The following LRP1B variants were observed in gnomAD, a reference collection of about 807,000 sequenced individuals.
LRP1B encodes the protein LDL receptor related protein 1B.
LRP1B carries 217 observed loss-of-function variants against 556.6 expected under a neutral mutation model. The ratio of observed to expected loss-of-function variants is 0.39; its 90% CI spans 0.35 to 0.44. The LOEUF (loss-of-function observed/expected upper bound fraction) is 0.44, where lower values mean the gene tolerates loss of function less well. LRP1B is among the 20% of genes least tolerant of loss of function. The pLI, the probability that LRP1B is intolerant of heterozygous loss-of-function variation, is 1.00. For synonymous variants in LRP1B, 2,047 were observed against 1,865.8 expected (o/e 1.10, Z -2.50); for missense variants, 5,053 against 5,620.8 (o/e 0.90, Z 3.23).
intron 1 of LRP1B, among the ~76,000 whole-genome samples, chr2:142,080,104 A>G (rs1705657178): frequency 6.6e-6 from 1 of 152,212 alleles, no homozygotes; most frequent in East Asian, 1.9e-4. Context: ...TGGTTAAAAA[A>G]AAAAACCCCA....
chr2:141,116,568 TC>T (rs1700904749), intron 7 of LRP1B, among the ~76,000 whole-genome samples: 1 of 152,122 alleles, frequency 6.6e-6, no homozygotes, highest in Admixed American at 6.6e-5. Flanking sequence ...AGGCTCGCCA[TC>T]CCCATGATAG....
At chr2:140,295,038 G>T (rs527655678) in intron 84 of LRP1B, among the ~76,000 whole-genome samples, 2 of 151,874 alleles carry the variant, frequency 1.3e-5, no homozygotes, top group South Asian at 4.2e-4. Context: ...CACTGCGCCC[G>T]GCTAGTTTTT....
intron 1 of LRP1B, among the ~76,000 whole-genome samples, chr2:141,918,652 TC>T: frequency 6.6e-6 from 1 of 152,296 alleles, no homozygotes; most frequent in South Asian, 2.1e-4. Context: ...TGAATTAGTT[TC>T]TTTTCGTGAA....
intron 41 of LRP1B, among the ~76,000 whole-genome samples, chr2:140,654,480 A>G (rs961416005): frequency 6.6e-6 from 1 of 152,226 alleles, no homozygotes; most frequent in African/African-American, 2.4e-5. Context: ...TCAAAATTTG[A>G]AGATTGATCA....
chr2:140,964,881 G>A (rs1490794966), intron 18 of LRP1B, among the ~76,000 whole-genome samples: 1 of 152,166 alleles, frequency 6.6e-6, no homozygotes, highest in Non-Finnish European at 1.5e-5. Flanking sequence ...TTGAACCCAG[G>A]AGGCGGAAGT....
At chr2:141,190,197 A>G (rs1212479660) in intron 6 of LRP1B, among the ~76,000 whole-genome samples, 1 of 151,926 alleles carries the variant, frequency 6.6e-6, no homozygotes, top group Admixed American at 6.6e-5. Context: ...GTAGCTCAGG[A>G]TACTATACTA....
intron 43 of LRP1B, among the ~76,000 whole-genome samples, chr2:140,560,988 C>T (rs755683581): frequency 3.3e-5 from 5 of 152,046 alleles, no homozygotes; most frequent in Non-Finnish European, 7.4e-5. Context: ...GAAAACAATA[C>T]CCCGAAGTGA....
chr2:141,769,948 G>A lies in LRP1B; in HGVS notation c.205+40331C>T, dbSNP rs537388439. Among the ~76,000 whole-genome samples the A allele has an allele frequency of 1.2e-4, 18 of 152,240 alleles. 1 individual carries two copies. The South Asian group carries it at 3.5e-3, about 30-fold the overall frequency. On this transcript the variant is annotated intron_variant, in intron 2 of 90. Coordinates refer to ENST00000389484, the MANE Select transcript of LRP1B (RefSeq NM_018557.3). ...GTCTCAAGTTACCCAGAGACTTATTGGCAAAATGCCTTAGAGTACCTGTAT... is the reference window on the plus strand; with the variant it reads ...GTCTCAAGTTACCCAGAGACTTATTAGCAAAATGCCTTAGAGTACCTGTAT...
At chr2:140,842,493 T>A (rs1692140528) in intron 29 of LRP1B, among the ~76,000 whole-genome samples, 1 of 152,202 alleles carries the variant, frequency 6.6e-6, no homozygotes, top group South Asian at 2.1e-4. Context: ...ACTCTGCAAA[T>A]TACTTTTCGT....
At chr2:141,084,504 C>T (rs1699999529) in intron 7 of LRP1B, among the ~76,000 whole-genome samples, 5 of 152,132 alleles carry the variant, frequency 3.3e-5, no homozygotes, top group Admixed American at 3.3e-4. Flanking sequence ...TTTGTTGTTG[C>T]ATGTTATAGT....
intron 84 of LRP1B, among the ~76,000 whole-genome samples, chr2:140,283,401 A>C (rs369994854): frequency 9.2e-5 from 14 of 151,874 alleles, no homozygotes; most frequent in African/African-American, 3.1e-4. Flanking sequence ...CTGAGGAAAA[A>C]ATGCCTGCAA....
chr2:140,360,976 T>C (rs2105142734), intron 72 of LRP1B, among the ~76,000 whole-genome samples: 1 of 151,558 alleles, frequency 6.6e-6, no homozygotes, highest in South Asian at 2.1e-4. Context: ...CCAATCACTA[T>C]CATTGCAACA....
intron 2 of LRP1B, among the ~76,000 whole-genome samples, chr2:141,752,938 T>C (rs1414695759): frequency 1.3e-3 from 2 of 1,514 alleles, no homozygotes; most frequent in Non-Finnish European, 0.012. Flanking sequence ...ACTGAGACCC[T>C]GTCTCAGAAA....
intron 7 of LRP1B, among the ~76,000 whole-genome samples, chr2:141,091,855 G>A (rs1350583833): frequency 6.6e-6 from 1 of 152,158 alleles, no homozygotes; most frequent in Non-Finnish European, 1.5e-5. Flanking sequence ...GCTCTGTGGT[G>A]GTAGGAGGTA....
chr2:141,882,829 T>G (rs1177531628), intron 1 of LRP1B, among the ~76,000 whole-genome samples: 1 of 152,144 alleles, frequency 6.6e-6, no homozygotes, highest in African/African-American at 2.4e-5. Context: ...CACCTCAGCC[T>G]CTCAAAGTGC....
intron 43 of LRP1B, among the ~76,000 whole-genome samples, chr2:140,555,447 T>A (rs1193060211): frequency 6.6e-6 from 1 of 152,066 alleles, no homozygotes; most frequent in Non-Finnish European, 1.5e-5. Context: ...TAGCAATACC[T>A]CTTATTAGTA....
intron 41 of LRP1B, among the ~76,000 whole-genome samples, chr2:140,695,551 G>T (rs1686401233): frequency 6.6e-6 from 1 of 152,108 alleles, no homozygotes; most frequent in South Asian, 2.1e-4. Context: ...CATTTTCTCT[G>T]CTTTGTATTT....
intron 1 of LRP1B, among the ~76,000 whole-genome samples, chr2:142,051,199 G>A (rs942715082): frequency 4.6e-5 from 7 of 152,074 alleles, no homozygotes; most frequent in Admixed American, 4.6e-4. Flanking sequence ...CATTGTTGGT[G>A]AGGGGGTGGG....
intron 52 of LRP1B, 69 bp from the exon 53 acceptor site, chr2:140,506,987 T>TG (rs1689444994): frequency 1.4e-6 from 2 of 1,467,940 alleles, no homozygotes; most frequent in South Asian, 2.6e-5. Flanking sequence ...ATTAGGAGCT[T>TG]GGGGAATATA....
Sources: allele counts gnomAD v4.1 joint callset (sites outside exome capture counted in the v4.1 genomes callset), GRCh38; gene constraint gnomAD v4.1.1; transcripts MANE v1.5; gene names NCBI Gene and HGNC (gene_info 2026-07-23, HGNC 2026-07-21).